SERAC1: variants seen among roughly 807,000 people sequenced by gnomAD.
SERAC1 encodes the protein serine active site containing 1, also known as protein SERAC1.
In SERAC1, 36 loss-of-function variants were observed where a neutral mutation model predicts 85.7. That is an observed-to-expected ratio of 0.42 (90% CI 0.32 to 0.55). The LOEUF (loss-of-function observed/expected upper bound fraction) is 0.55, where lower values mean the gene tolerates loss of function less well. Among genes scored for constraint, SERAC1 ranks in the 20% least tolerant of loss-of-function variants. The probability of loss-of-function intolerance (pLI) is 0.11; values close to 1 mark genes in which losing one functional copy is unlikely to be tolerated. For missense variants in SERAC1, 629 were observed against 796.2 expected, an observed-to-expected ratio of 0.79 and a Z score of 2.53; for synonymous variants, 242 against 265.3, an observed-to-expected ratio of 0.91 and a Z score of 0.85.
intron 2 of SERAC1, among the ~76,000 whole-genome samples, chr6:158,156,170 AT>A (rs1473212182): frequency 6.6e-6 from 1 of 152,170 alleles, no homozygotes; most frequent in Non-Finnish European, 1.5e-5. Flanking sequence ...ATAAAATAAA[AT>A]ACAGATTATA....
At chr6:158,118,825 T>C (rs1422402895) in intron 12 of SERAC1, among the ~76,000 whole-genome samples, 1 of 152,090 alleles carries the variant, frequency 6.6e-6, no homozygotes, top group African/African-American at 2.4e-5. Context: ...ATTTTTTGAG[T>C]CATACACTGC....
intron 3 of SERAC1, among the ~76,000 whole-genome samples, chr6:158,153,255 T>C (rs1277684342): frequency 2.0e-5 from 3 of 152,242 alleles, no homozygotes; most frequent in Admixed American, 6.5e-5. Flanking sequence ...ATTTGTGAGT[T>C]ATCCATGTTG....
At chr6:158,151,638 G>A (rs768447904) in intron 3 of SERAC1, among the ~76,000 whole-genome samples, 1 of 152,012 alleles carries the variant, frequency 6.6e-6, no homozygotes, top group Non-Finnish European at 1.5e-5. Context: ...TGTTAGCCAG[G>A]ATGGTCTCAA....
At chr6:158,151,568 C>T (rs1785205687) in intron 3 of SERAC1, among the ~76,000 whole-genome samples, 1 of 152,020 alleles carries the variant, frequency 6.6e-6, no homozygotes, top group African/African-American at 2.4e-5. Context: ...ACTACAGGCG[C>T]CTGCCACCAC....
chr6:158,137,674 G>A (rs568852637), intron 8 of SERAC1, among the ~76,000 whole-genome samples: 6 of 152,054 alleles, frequency 3.9e-5, no homozygotes, highest in South Asian at 2.1e-4. Flanking sequence ...CCAGGAGTTC[G>A]AGACCAGCCT....
chr6:158,114,311 G>A (rs2057994961), intron 15 of SERAC1, among the ~76,000 whole-genome samples: 1 of 152,076 alleles, frequency 6.6e-6, no homozygotes. Context: ...GAAAATAGGA[G>A]CAAAAAGACA....
At chr6:158,161,054 A>T (rs545346441) in intron 1 of SERAC1, 1 of 152,280 alleles carries the variant, frequency 6.6e-6, no homozygotes, top group South Asian at 2.1e-4. Flanking sequence ...AGCATGTCTA[A>T]AAATGCTCTA....
At chr6:158,140,936 T>G (rs965508857) in intron 8 of SERAC1, among the ~76,000 whole-genome samples, 3 of 152,192 alleles carry the variant, frequency 2.0e-5, no homozygotes, top group African/African-American at 7.2e-5. Context: ...AGTTTTTTTT[T>G]CCAATGAGAA....
Position 158,114,884 on chromosome 6 carries a change from TA to T in SERAC1, c.1588del (p.Tyr530IlefsTer56). The T allele has an allele frequency of 6.2e-7, 1 of 1,613,988 alleles. No homozygotes were observed. Among genetic ancestry groups the T allele is most frequent in the Admixed American group, 1.7e-5 (1 of 60,020 alleles). Reference protein sequence around the residue: ...VINNTRGIIFYSVPHHGSRLA... With the variant: ...VINNTRGIIFXSVPHHGSRLA... ...ACGTGATCCATGATGAGGGACACTA[TA>T]AAAAATTATTCCTCTGGTATTGTTG... is the stretch of plus-strand genomic sequence containing the variant. On this transcript the variant is annotated frameshift_variant, in exon 15 of 17. Transcript: ENST00000647468. LOFTEE classifies it high-confidence loss of function.
intron 1 of SERAC1, among the ~76,000 whole-genome samples, chr6:158,164,614 A>G (rs1369615279): frequency 6.6e-6 from 1 of 152,162 alleles, no homozygotes; most frequent in Non-Finnish European, 1.5e-5. Context: ...AATAAAACAA[A>G]TATTTGAAAA....
intron 10 of SERAC1, among the ~76,000 whole-genome samples, chr6:158,127,400 C>G (rs1332115977): frequency 1.9e-5 from 1 of 51,634 alleles, no homozygotes; most frequent in Non-Finnish European, 4.1e-5. Flanking sequence ...GCCCGGCCAG[C>G]CGCCCCGTCC....
chr6:158,158,960 G>A (rs1272918748), intron 1 of SERAC1: 1 of 152,058 alleles, frequency 6.6e-6, no homozygotes, highest in Non-Finnish European at 1.5e-5. Flanking sequence ...GAGTAAAGAT[G>A]ATCATATGCT....
In SERAC1 at chr6:158,125,891, A is replaced by C. The variant is rs187918195; in HGVS notation, c.1015+2217T>G. ...ATACAACCATTAAACACACAAACAC[A>C]GTATAAAAAGCCAAAAGAGGAGAAA... On this transcript the variant is annotated intron_variant, in intron 10 of 16. Transcript: ENST00000647468. 2.0e-5 allele frequency among the ~76,000 whole-genome samples: 3 copies of C among 152,298 alleles called. No individual in the cohort carries two copies. In the East Asian group the frequency reaches 5.8e-4, roughly 29 times the overall value.
rs113508550 is a variant in SERAC1 at position 158,147,052 on chromosome 6, A to G, written c.356-139T>C. 6.4e-4 allele frequency: 522 copies of G among 820,298 alleles called. 1 individual carries two copies. The African/African-American group carries it at 8.3e-3, about 13-fold the overall frequency. The allele number at this position is 820,298 out of a possible 1,614,324, so 50.8% of individuals were successfully genotyped here. A position where few individuals can be genotyped will look rare whatever the true frequency, so the allele number is the denominator to read the frequency against. On this transcript the variant is annotated intron_variant, in intron 5 of 16. Coordinates refer to ENST00000647468, the MANE Select transcript of SERAC1 (RefSeq NM_032861.4). ...TATATATAGGTATTGATAAAAACTA[A>G]TATTATTTGTTCTCAATTCTGTCAT...
At chr6:158,143,333 CTCTCTCTCTCTCTCTA>C (rs1357854587) in intron 7 of SERAC1, 149 bp from the exon 8 acceptor site, 17 of 170,704 alleles carry the variant, frequency 1.0e-4, no homozygotes, top group African/African-American at 6.6e-4. Flanking sequence ...CTCTCTCTCT[CTCTCTCTCTCTCTCTA>C]TATATATATA....
At chr6:158,127,031 C>T (rs1784554412) in intron 10 of SERAC1, among the ~76,000 whole-genome samples, 1 of 144,826 alleles carries the variant, frequency 6.9e-6, no homozygotes, top group Non-Finnish European at 1.5e-5. Flanking sequence ...CTAGCTTCAG[C>T]AACACAGTGA....
Position 158,113,536 on chromosome 6 carries a change from T to C in SERAC1, c.1741A>G (p.Asn581Asp). The change falls in exon 16 of 17, where the codon AAC (asparagine) becomes GAC (aspartate). Residue 581 changes from asparagine (N) to aspartate (D), a missense_variant. Physicochemically the swap from Asn to Asp is conservative, Grantham distance 23 (BLOSUM62 1). Transcript: ENST00000647468. Reference sequence around the variant, plus strand: ...TCCACAAAATTCAGCACCTGGAAGTTTTTGTCTTTAGCAAACTCCAGAAAG... The same window carrying C: ...TCCACAAAATTCAGCACCTGGAAGTCTTTGTCTTTAGCAAACTCCAGAAAG... The part of the protein sequence containing the change: ...DDFLEFAKDK[N>D]FQVLNFVETL... 1 of 1,613,962 alleles carries C rather than the reference T, an allele frequency of 6.2e-7. No individual in the cohort carries two copies. The highest frequency in any genetic ancestry group is 8.5e-7 in the Non-Finnish European group (1 of 1,179,840).
At chr6:158,114,569 T>A in intron 15 of SERAC1, 1 of 1,225,436 alleles carries the variant, frequency 8.2e-7, no homozygotes, top group African/African-American at 1.6e-5. Context: ...TAAGATAATA[T>A]TAAAATTATT....
rs151248321 is a variant in SERAC1, at chr6:158,154,928, C to T, written c.128+387G>A. On this transcript the variant is annotated intron_variant, in intron 3 of 16. Transcript: ENST00000647468. ...GAGTGAGTGCCTGATTTAAGTGTGC[C>T]GGAGCTGAGTGAGTGCCTGATTTAA... 5.9e-5 allele frequency among the ~76,000 whole-genome samples: 9 copies of T among 151,962 alleles called. No homozygotes were observed. The East Asian group carries it at 1.2e-3, about 20-fold the overall frequency.
Sources: gnomAD v4.1 joint callset for allele counts (sites outside exome capture counted in the v4.1 genomes callset) on GRCh38, gnomAD v4.1.1 for gene constraint, MANE v1.5 for transcripts, NCBI Gene and HGNC (gene_info 2026-07-23, HGNC 2026-07-21) for gene names.